RELN: variants seen among roughly 807,000 people sequenced by gnomAD.
RELN encodes reelin.
In RELN, 108 loss-of-function variants were observed where a neutral mutation model predicts 427.6. The ratio of observed to expected loss-of-function variants is 0.25; its 90% CI spans 0.22 to 0.30. The LOEUF (loss-of-function observed/expected upper bound fraction) is 0.30. Ranked by LOEUF, RELN falls within the 10% of genes least tolerant of loss-of-function variation. The pLI, the probability that RELN is intolerant of heterozygous loss-of-function variation, is 1.00. For missense variants in RELN, 3,715 were observed against 4,302.8 expected, an observed-to-expected ratio of 0.86 and a Z score of 3.82; for synonymous variants, 1,524 against 1,513.4, an observed-to-expected ratio of 1.01 and a Z score of -0.16.
chr7:103,544,216 A>G (rs953397847), intron 42 of RELN, among the ~76,000 whole-genome samples: 4 of 148,286 alleles, frequency 2.7e-5, no homozygotes, highest in African/African-American at 7.4e-5. Flanking sequence ...AAAAGAAAGA[A>G]AATCTTTTTT....
intron 28 of RELN, among the ~76,000 whole-genome samples, chr7:103,586,778 T>C (rs557356617): frequency 7.4e-4 from 112 of 152,290 alleles, no homozygotes; most frequent in African/African-American, 2.6e-3. Flanking sequence ...TTCAATCCCA[T>C]TGACAATCTC....
At chr7:103,755,665 A>C (rs1791126181) in intron 4 of RELN, among the ~76,000 whole-genome samples, 1 of 149,826 alleles carries the variant, frequency 6.7e-6, no homozygotes, top group Non-Finnish European at 1.5e-5. Context: ...AACATAAAAA[A>C]ATTAGCCAGG....
chr7:103,754,510 T>C (rs1429639659), intron 4 of RELN, among the ~76,000 whole-genome samples: 1 of 152,060 alleles, frequency 6.6e-6, no homozygotes, highest in African/African-American at 2.4e-5. Context: ...AAGTAGCTCA[T>C]GCCTGTAATC....
At chr7:103,715,401 T>C (rs749153235) in intron 8 of RELN, among the ~76,000 whole-genome samples, 3 of 152,220 alleles carry the variant, frequency 2.0e-5, no homozygotes, top group Non-Finnish European at 4.4e-5. Context: ...CTGTTTTATA[T>C]TTATGTTTAA....
chr7:103,865,297 T>C (rs1794172396), intron 2 of RELN, among the ~76,000 whole-genome samples: 1 of 152,058 alleles, frequency 6.6e-6, no homozygotes, highest in African/African-American at 2.4e-5. Context: ...CAGGACCAGA[T>C]GGATTCACTG....
intron 3 of RELN, among the ~76,000 whole-genome samples, chr7:103,782,207 T>C (rs1426546079): frequency 6.6e-6 from 1 of 152,164 alleles, no homozygotes; most frequent in Non-Finnish European, 1.5e-5. Flanking sequence ...GAAAAAGCAT[T>C]TATTGTCATG....
At chr7:103,493,794 G>C (rs759173233) in intron 57 of RELN, among the ~76,000 whole-genome samples, 4 of 152,172 alleles carry the variant, frequency 2.6e-5, no homozygotes, top group African/African-American at 4.8e-5. Flanking sequence ...AAATAGTGTA[G>C]AGAGGAAAGA....
At chr7:103,663,536 T>C (rs766653212) in intron 11 of RELN, among the ~76,000 whole-genome samples, 8 of 152,122 alleles carry the variant, frequency 5.3e-5, no homozygotes, top group Admixed American at 2.6e-4. Context: ...GCCTTTTCAA[T>C]TGGCACATTG....
At position 103,749,410 on chromosome 7, in the gene RELN, T is replaced by G. The variant is rs1790936608; in HGVS notation, c.656+16A>C. 1 of 1,599,328 alleles carries G rather than the reference T, an allele frequency of 6.3e-7. No individual in the cohort carries two copies. The highest frequency in any genetic ancestry group is 1.1e-5 in the South Asian group (1 of 90,818). The stretch of plus-strand genomic sequence containing the variant: ...ACATTAAGCAAACCAAAGTGAGGAA[T>G]GTTCCTGTAACTTACCATATATTTG... On this transcript the variant is annotated intron_variant, in intron 6 of 64. Coordinates refer to ENST00000428762, the MANE Select transcript of RELN (RefSeq NM_005045.4).
chr7:103,619,311 T>C (rs1832161234), intron 20 of RELN, among the ~76,000 whole-genome samples: 1 of 152,150 alleles, frequency 6.6e-6, no homozygotes, highest in South Asian at 2.1e-4. Context: ...CTGTCTCTTC[T>C]TCTAACTGGG....
intron 11 of RELN, among the ~76,000 whole-genome samples, chr7:103,677,404 GTAT>G (rs1035014758): frequency 8.6e-6 from 1 of 115,802 alleles, no homozygotes; most frequent in Non-Finnish European, 1.7e-5. Flanking sequence ...AGAACTTAAA[GTAT>G]AATAATAATA....
chr7:103,699,676 G>C (rs1165424635), intron 9 of RELN, among the ~76,000 whole-genome samples: 1 of 152,024 alleles, frequency 6.6e-6, no homozygotes, highest in Non-Finnish European at 1.5e-5. Flanking sequence ...AAAAAAAATG[G>C]AGACATAGGT....
intron 2 of RELN, among the ~76,000 whole-genome samples, chr7:103,838,208 CAAAAAAAAAAAAA>C (rs58553259): frequency 2.5e-4 from 20 of 81,082 alleles, no homozygotes; most frequent in Non-Finnish European, 8.8e-5. Flanking sequence ...GACTTCGTCT[CAAAAAAAAAAAAA>C]AAAAAAAAAA....
At chr7:103,884,931 G>A (rs905920881) in intron 2 of RELN, among the ~76,000 whole-genome samples, 1 of 152,094 alleles carries the variant, frequency 6.6e-6, no homozygotes, top group South Asian at 2.1e-4. Context: ...CCATCACTCG[G>A]TATATACCCA....
At chr7:103,629,843 T>G in intron 20 of RELN, 97 bp downstream of exon 20, 1 of 863,430 alleles carries the variant, frequency 1.2e-6, no homozygotes, top group African/African-American at 1.6e-5. Flanking sequence ...AGTAAATACT[T>G]GTCAACAAAT....
chr7:103,939,671 G>A (rs1239057477), intron 1 of RELN, among the ~76,000 whole-genome samples: 1 of 152,122 alleles, frequency 6.6e-6, no homozygotes, highest in Non-Finnish European at 1.5e-5. Context: ...CACAGCCAGA[G>A]ATTTATGTTT....
chr7:103,737,844 A>G (rs948038715), intron 6 of RELN, among the ~76,000 whole-genome samples: 1 of 152,128 alleles, frequency 6.6e-6, no homozygotes, highest in Non-Finnish European at 1.5e-5. Context: ...TGCAATGCCA[A>G]TCATGGCTTT....
chr7:103,568,122 A>AT (rs1686305366), intron 31 of RELN, among the ~76,000 whole-genome samples: 1 of 152,144 alleles, frequency 6.6e-6, no homozygotes, highest in Admixed American at 6.6e-5. Flanking sequence ...GGAAAATTAT[A>AT]ATTTTTTTTG....
At chr7:103,544,391 G>A (rs1830243620) in intron 42 of RELN, among the ~76,000 whole-genome samples, 1 of 151,588 alleles carries the variant, frequency 6.6e-6, no homozygotes, top group Non-Finnish European at 1.5e-5. Context: ...AGCGTGCCCG[G>A]CTTTTTTGTA....
Sources: allele counts gnomAD v4.1 joint callset (sites outside exome capture counted in the v4.1 genomes callset), GRCh38; gene constraint gnomAD v4.1.1; transcripts MANE v1.5; gene names NCBI Gene and HGNC (gene_info 2026-07-23, HGNC 2026-07-21).